Variants in DAPK1 observed in about 807,000 individuals in gnomAD.
DAPK1 encodes death-associated protein kinase 1.
DAPK1 carries 56 observed loss-of-function variants against 144.9 expected under a neutral mutation model. That is an observed-to-expected ratio of 0.39 (90% CI 0.31 to 0.48). DAPK1 has a LOEUF of 0.48. Among genes scored for constraint, DAPK1 ranks in the 20% least tolerant of loss-of-function variants. DAPK1 has a pLI of 0.95. For missense variants in DAPK1, 1,454 were observed against 1,875.4 expected (o/e 0.78, Z 4.15); for synonymous variants, 690 against 749.0 (o/e 0.92, Z 1.29).
At chr9:87,567,514 C>A (rs60555277) in intron 2 of DAPK1, among the ~76,000 whole-genome samples, 1 of 152,070 alleles carries the variant, frequency 6.6e-6, no homozygotes, top group Admixed American at 6.5e-5. Flanking sequence ...ATCAGTAGAC[C>A]CCGCTCACAA....
Position 87,708,351 on chromosome 9 carries a change from A to C in DAPK1, c.*987A>C, listed in dbSNP as rs977174401. Reference sequence around the variant, plus strand: ...GTTTCCACATTTAGATCCTGGTTTCATAACTTCCTGTACTTGAAGTCTAAA... The same window carrying C: ...GTTTCCACATTTAGATCCTGGTTTCCTAACTTCCTGTACTTGAAGTCTAAA... On this transcript the variant is annotated 3_prime_UTR_variant, in exon 26 of 26. Coordinates refer to ENST00000408954, the MANE Select transcript of DAPK1 (RefSeq NM_004938.4). 1 of 152,726 alleles carries C rather than the reference A, an allele frequency of 6.5e-6. No individual in the cohort carries two copies. The highest frequency in any genetic ancestry group is 1.5e-5 in the Non-Finnish European group (1 of 68,096). 9.5% of individuals were successfully genotyped at this position (152,726 alleles called of 1,614,324 possible).
chr9:87,701,875 C>A (rs1383634408), intron 24 of DAPK1: 1 of 470,474 alleles, frequency 2.1e-6, no homozygotes, highest in Non-Finnish European at 4.4e-6. Flanking sequence ...CGTTGGGGTC[C>A]CACTGTGGCA....
chr9:87,678,173 C>T (rs1353371650), intron 19 of DAPK1, among the ~76,000 whole-genome samples: 1 of 152,216 alleles, frequency 6.6e-6, no homozygotes, highest in African/African-American at 2.4e-5. Flanking sequence ...GGCCTCCACC[C>T]CAGCTGCCCC....
chr9:87,607,912 G>A (rs1003981522), intron 3 of DAPK1, among the ~76,000 whole-genome samples: 1 of 152,196 alleles, frequency 6.6e-6, no homozygotes, highest in East Asian at 1.9e-4. Context: ...TTGACTCATG[G>A]TTCTGCAGGC....
Position 87,664,036 on chromosome 9 carries a change from C to G in DAPK1, c.1924-4561C>G, listed in dbSNP as rs376857510. Among the ~76,000 whole-genome samples the G allele has an allele frequency of 3.3e-5, 5 of 152,206 alleles. No individual in the cohort carries two copies. In the South Asian group the frequency reaches 6.2e-4, roughly 19 times the overall value. ...CCTCCAGACCAGTCGGACTCTTCAC[C>G]CACCCCTGCACTGTAGCCTCCTGCC... On this transcript the variant is annotated intron_variant, in intron 18 of 25. Transcript: ENST00000408954.
Position 87,638,085 on chromosome 9 carries a change from C to G in DAPK1, c.423+4C>G. ...AATCGCCCACTTTGATCTTAAGGTA[C>G]GTTTCAAAGTGTAAGCCAGATAGAA... On this transcript the variant is annotated splice_donor_region_variant and intron_variant, in intron 4 of 25. Transcript: ENST00000408954. The G allele has an allele frequency of 6.2e-7, 1 of 1,609,146 alleles. No homozygotes were observed. The highest frequency in any genetic ancestry group is 1.1e-5 in the South Asian group (1 of 90,574).
intron 22 of DAPK1, 135 bp from the exon 23 acceptor site, chr9:87,698,521 C>T (rs36218779): frequency 4.0e-5 from 27 of 673,084 alleles, no homozygotes; most frequent in African/African-American, 3.4e-4. Flanking sequence ...GTGGGGCCTT[C>T]ATCTCTGTGG....
chr9:87,555,506 A>AT (rs71371248), intron 2 of DAPK1, among the ~76,000 whole-genome samples: 16,778 of 147,956 alleles, frequency 0.11, 1,034 homozygotes, highest in Non-Finnish European at 0.14. Flanking sequence ...TTATTTAGTT[A>AT]TTTTTTTTTT....
At chr9:87,641,370 C>T (rs1830087231) in intron 9 of DAPK1, among the ~76,000 whole-genome samples, 1 of 152,088 alleles carries the variant, frequency 6.6e-6, no homozygotes. Flanking sequence ...GCAGAAAGGG[C>T]TAAGGGTGGG....
chr9:87,612,831 A>G (rs1204063714), intron 3 of DAPK1, among the ~76,000 whole-genome samples: 1 of 152,188 alleles, frequency 6.6e-6, no homozygotes, highest in Non-Finnish European at 1.5e-5. Flanking sequence ...ATAAGGAAGA[A>G]ATGGACATCA....
intron 2 of DAPK1, among the ~76,000 whole-genome samples, chr9:87,567,884 A>C (rs1031351005): frequency 6.6e-6 from 1 of 152,178 alleles, no homozygotes; most frequent in African/African-American, 2.4e-5. Flanking sequence ...CATCATTTCC[A>C]AATGCTTTCG....
chr9:87,518,113 T>TTG (rs1825144028), intron 2 of DAPK1, among the ~76,000 whole-genome samples: 1 of 142,164 alleles, frequency 7.0e-6, no homozygotes, highest in African/African-American at 2.7e-5. Flanking sequence ...TTGTTTTTTT[T>TTG]TTTTTTTTTT....
chr9:87,569,174 T>G lies in DAPK1; in HGVS notation c.63-35780T>G, dbSNP rs36233463. Among the ~76,000 whole-genome samples the G allele has an allele frequency of 7.8e-4, 119 of 152,318 alleles. 2 individuals are homozygous for G. In the East Asian group the frequency reaches 0.013, roughly 16 times the overall value. On this transcript the variant is annotated intron_variant, in intron 2 of 25. Transcript: ENST00000408954. ...CTCAGCCTCAGAGATTAGGACTTAATTGGTGTGGAGTCTGGTGAGGGCATC... is the reference window on the plus strand; with the variant it reads ...CTCAGCCTCAGAGATTAGGACTTAAGTGGTGTGGAGTCTGGTGAGGGCATC...
At chr9:87,602,339 C>G (rs1419730227) in intron 2 of DAPK1, among the ~76,000 whole-genome samples, 2 of 152,150 alleles carry the variant, frequency 1.3e-5, no homozygotes, top group Admixed American at 1.3e-4. Flanking sequence ...TATGGGGACC[C>G]TGCAGTGTGA....
intron 2 of DAPK1, among the ~76,000 whole-genome samples, chr9:87,602,091 C>T (rs535901566): frequency 2.0e-5 from 3 of 152,166 alleles, no homozygotes; most frequent in South Asian, 4.2e-4. Context: ...GGTGCTCTTT[C>T]GACTCAGGGA....
In DAPK1 at chr9:87,706,134, C is replaced by A; in HGVS notation, c.3063C>A (p.Ile1021=). The change falls in exon 26 of 26, where the codon ATC becomes ATA. Residue 1021 remains isoleucine (I), a splice_region_variant and synonymous_variant. Coordinates refer to ENST00000408954, the MANE Select transcript of DAPK1 (RefSeq NM_004938.4). This position sits in a 1 kb window ranked among gnomAD's most constrained non-coding sequence, Gnocchi z 9.0. ...IAQQLHSTGE[I]NIMQSETVQD... is the part of the protein sequence containing the mutation. The stretch of plus-strand genomic sequence containing the variant: ...GACTTTCTGTTGTCCCCCCGCAGAT[C>A]AACATCATGCAAAGTGAAACAGTTC... The A allele has an allele frequency of 6.3e-7, 1 of 1,584,684 alleles. No homozygotes were observed. The highest frequency in any genetic ancestry group is 2.3e-5 in the East Asian group (1 of 44,278).
chr9:87,637,897 T>C (rs768414304), intron 3 of DAPK1, 46 bp from the exon 4 acceptor site: 11 of 1,598,336 alleles, frequency 6.9e-6, no homozygotes, highest in Non-Finnish European at 8.5e-6. Context: ...AAGGAATCAA[T>C]ATGAAACAGA....
intron 3 of DAPK1, among the ~76,000 whole-genome samples, chr9:87,615,007 C>T (rs1344968909): frequency 2.6e-5 from 4 of 152,170 alleles, no homozygotes; most frequent in Non-Finnish European, 4.4e-5. Flanking sequence ...TACTCCAAGA[C>T]GGAGAGTGCC....
intron 15 of DAPK1, 28 bp from the exon 16 acceptor site, chr9:87,649,893 T>C (rs750552292): frequency 1.9e-6 from 3 of 1,610,560 alleles, no homozygotes; most frequent in Non-Finnish European, 2.5e-6. Flanking sequence ...TGTGTTCTCC[T>C]CCTCTCTGTA....
Sources: allele counts gnomAD v4.1 joint callset (sites outside exome capture counted in the v4.1 genomes callset), GRCh38; gene constraint gnomAD v4.1.1; non-coding constraint Gnocchi (gnomAD v3.1); transcripts MANE v1.5; gene names NCBI Gene and HGNC (gene_info 2026-07-23, HGNC 2026-07-21).